Variants in CDH23 observed in about 807,000 individuals in gnomAD.
CDH23 encodes the protein cadherin related 23, also known as cadherin-23.
In CDH23, 189 loss-of-function variants were observed where a neutral mutation model predicts 317.1. That is an observed-to-expected ratio of 0.60 (90% CI 0.53 to 0.67). The LOEUF is 0.67. Ranked by LOEUF, CDH23 falls within the 30% of genes least tolerant of loss-of-function variation. The pLI is 0.00. For synonymous variants in CDH23, 1,839 were observed against 1,876.8 expected (o/e 0.98, Z 0.52); for missense variants, 4,401 against 4,592.4 (o/e 0.96, Z 1.20).
At chr10:71,694,469 G>A (rs919963752) in intron 21 of CDH23, among the ~76,000 whole-genome samples, 2 of 152,112 alleles carry the variant, frequency 1.3e-5, no homozygotes, top group South Asian at 2.1e-4. Flanking sequence ...GGAATGTAGG[G>A]GCACTTGGGA....
intron 14 of CDH23, among the ~76,000 whole-genome samples, chr10:71,664,882 C>T (rs1589310445): frequency 6.7e-6 from 1 of 149,954 alleles, no homozygotes; most frequent in South Asian, 2.2e-4. Flanking sequence ...CTCTCCTTCT[C>T]CCTCTCCCCT....
At chr10:71,526,100 G>T (rs1435785907) in intron 6 of CDH23, among the ~76,000 whole-genome samples, 1 of 152,346 alleles carries the variant, frequency 6.6e-6, no homozygotes, top group Non-Finnish European at 1.5e-5. Context: ...GCATCGCTGA[G>T]GGGGTGGAGC....
intron 49 of CDH23, among the ~76,000 whole-genome samples, chr10:71,797,429 G>A (rs566384593): frequency 2.0e-5 from 3 of 152,230 alleles, no homozygotes; most frequent in South Asian, 4.2e-4. Flanking sequence ...CTCAGCAGTG[G>A]AGGATCCAGA....
intron 14 of CDH23, among the ~76,000 whole-genome samples, chr10:71,650,273 C>T (rs1319226440): frequency 6.6e-6 from 1 of 152,196 alleles, no homozygotes; most frequent in Non-Finnish European, 1.5e-5. Flanking sequence ...TATTCGAGCA[C>T]TTTGCTCAGG....
chr10:71,694,839 G>A (rs936423283), intron 21 of CDH23, among the ~76,000 whole-genome samples: 9 of 152,154 alleles, frequency 5.9e-5, no homozygotes, highest in East Asian at 1.9e-4. Flanking sequence ...TTCCCCATTC[G>A]GTTTCTTTGG....
intron 6 of CDH23, among the ~76,000 whole-genome samples, chr10:71,528,648 G>A (rs148193857): frequency 7.2e-5 from 11 of 152,368 alleles, no homozygotes; most frequent in South Asian, 2.1e-4. Flanking sequence ...CCGGGCCTCC[G>A]CAGCAGCCTG....
chr10:71,566,862 C>T lies in CDH23; in HGVS notation c.550C>T (p.Arg184Cys), dbSNP rs779468414. The change falls in exon 7 of 70, where the codon CGC becomes TGC. Residue 184 changes from arginine to cysteine, a missense_variant. Arg to Cys is a radical substitution (Grantham distance 180). Transcript: ENST00000224721. ...CCAATTCTTCGCCATTGACAGCGCCCGCGGTATCGTCACAGTGATCCGGGA... is the reference window on the plus strand; with the variant it reads ...CCAATTCTTCGCCATTGACAGCGCCTGCGGTATCGTCACAGTGATCCGGGA... ...PSQFFAIDSA[R>C]GIVTVIRELD... 23 of 1,613,838 alleles carry T rather than the reference C, an allele frequency of 1.4e-5. No individual in the cohort carries two copies. The highest frequency in any genetic ancestry group is 1.7e-5 in the Non-Finnish European group (20 of 1,179,896).
At chr10:71,684,590 G>A (rs1316258430) in intron 18 of CDH23, among the ~76,000 whole-genome samples, 1 of 152,212 alleles carries the variant, frequency 6.6e-6, no homozygotes, top group Non-Finnish European at 1.5e-5. Context: ...GGTGGTAATC[G>A]TGATACCTGC....
intron 14 of CDH23, among the ~76,000 whole-genome samples, chr10:71,661,510 T>A (rs1863649741): frequency 6.6e-6 from 1 of 152,156 alleles, no homozygotes; most frequent in South Asian, 2.1e-4. Context: ...GGGACGTTTT[T>A]AAAACAGTGA....
At chr10:71,403,361 TTC>T (rs1319101741) in intron 1 of CDH23, among the ~76,000 whole-genome samples, 16 of 103,524 alleles carry the variant, frequency 1.5e-4, no homozygotes, top group Non-Finnish European at 2.9e-4. Flanking sequence ...CTTTCTTTCT[TTC>T]TTTCTTTCTT....
At chr10:71,726,876 C>T (rs1866835590) in intron 30 of CDH23, among the ~76,000 whole-genome samples, 1 of 152,234 alleles carries the variant, frequency 6.6e-6, no homozygotes, top group Non-Finnish European at 1.5e-5. Flanking sequence ...CCCATCAGTG[C>T]CTCAGCATTG....
At chr10:71,542,370 A>T (rs1249559900) in intron 6 of CDH23, among the ~76,000 whole-genome samples, 1 of 152,174 alleles carries the variant, frequency 6.6e-6, no homozygotes, top group African/African-American at 2.4e-5. Context: ...AATCCCTAGG[A>T]TCGTCCAGCT....
chr10:71,480,998 A>G (rs1005542759), intron 3 of CDH23, among the ~76,000 whole-genome samples: 1 of 152,066 alleles, frequency 6.6e-6, no homozygotes, highest in Admixed American at 6.5e-5. Context: ...TGGGTATCCA[A>G]GTGGATGTGT....
chr10:71,581,627 A>G (rs2132413306), intron 9 of CDH23, among the ~76,000 whole-genome samples: 1 of 152,338 alleles, frequency 6.6e-6, no homozygotes, highest in South Asian at 2.1e-4. Context: ...ATTGCCATCA[A>G]TTTGTTCTCA....
At chr10:71,529,381 CG>C (rs892126300) in intron 6 of CDH23, among the ~76,000 whole-genome samples, 2 of 152,102 alleles carry the variant, frequency 1.3e-5, no homozygotes, top group African/African-American at 4.8e-5. Flanking sequence ...ACGTAGTACC[CG>C]GTGCAGGGAG....
At chr10:71,552,017 A>G (rs944381851) in intron 6 of CDH23, among the ~76,000 whole-genome samples, 1 of 152,198 alleles carries the variant, frequency 6.6e-6, no homozygotes, top group African/African-American at 2.4e-5. Flanking sequence ...GCCCAAGTAT[A>G]AGAACCTGAG....
At chr10:71,506,212 G>A (rs192297806) in intron 3 of CDH23, among the ~76,000 whole-genome samples, 8 of 152,320 alleles carry the variant, frequency 5.3e-5, no homozygotes, top group Middle Eastern at 3.4e-3. Context: ...AAATGGATTC[G>A]TGGTTGCCAG....
Position 71,815,117 on chromosome 10 carries a change from G to C in CDH23, c.9904G>C (p.Glu3302Gln), listed in dbSNP as rs368743687. ...GGCCACCGACCTCAACAGCCTGCCC[G>C]AGGAAGACCAGAAGGGCCTGGGCCG... is the stretch of plus-strand genomic sequence containing the variant. ...LLATDLNSLP[E>Q]EDQKGLGRSL... Residue 3302 changes from glutamate (E) to glutamine (Q), a missense_variant, in exon 70 of 70, where the codon GAG becomes CAG. Around this residue, in one of 3 missense-constraint regions of CDH23, gnomAD observed 1,144 missense variants for 1,138.2 expected, o/e 1.01. Transcript: ENST00000224721. 1 of 1,611,186 alleles carries C rather than the reference G, an allele frequency of 6.2e-7. No homozygotes were observed. Among genetic ancestry groups the C allele is most frequent in the Non-Finnish European group, 8.5e-7 (1 of 1,179,100 alleles).
chr10:71,777,674 C>T lies in CDH23; in HGVS notation c.4846-6C>T. 1 of 1,605,610 alleles carries T rather than the reference C, an allele frequency of 6.2e-7. No individual in the cohort carries two copies. The highest frequency in any genetic ancestry group is 1.3e-5 in the African/African-American group (1 of 74,832). Reference sequence around the variant, plus strand: ...GACCAAGGACGTGACCCACTCTTTTCCACAGGCCACCACGCACGTGTACGT... The same window carrying T: ...GACCAAGGACGTGACCCACTCTTTTTCACAGGCCACCACGCACGTGTACGT... On this transcript the variant is annotated splice_region_variant and splice_polypyrimidine_tract_variant and intron_variant, in intron 38 of 69. Coordinates refer to ENST00000224721, the MANE Select transcript of CDH23 (RefSeq NM_022124.6).
Sources: allele counts gnomAD v4.1 joint callset (sites outside exome capture counted in the v4.1 genomes callset), GRCh38; gene constraint gnomAD v4.1.1; regional missense constraint gnomAD v4.1.1; transcripts MANE v1.5; gene names NCBI Gene and HGNC (gene_info 2026-07-23, HGNC 2026-07-21).